The following ASXL1 variants were observed in gnomAD, a reference collection of about 807,000 sequenced individuals.
ASXL1 encodes the protein ASXL transcriptional regulator 1.
A neutral mutation model predicts 89.1 loss-of-function variants in ASXL1; 65 were observed. The ratio of observed to expected loss-of-function variants is 0.73; its 90% CI spans 0.60 to 0.90. The LOEUF is 0.90. ASXL1 is among the 40% of genes least tolerant of loss of function. ASXL1 has a pLI of 0.00. For missense variants in ASXL1, 1,786 were observed against 1,942.9 expected, an observed-to-expected ratio of 0.92 and a Z score of 1.52; for synonymous variants, 739 against 746.9, an observed-to-expected ratio of 0.99 and a Z score of 0.17.
At chr20:32,397,250 C>CCTTTTT (rs2048783623) in intron 4 of ASXL1, among the ~76,000 whole-genome samples, 1 of 6,980 alleles carries the variant, frequency 1.4e-4, no homozygotes, top group Non-Finnish European at 2.7e-4. Context: ...CCATGCCTGG[C>CCTTTTT]TTTTTTTTTT....
rs2011572040 is a variant in ASXL1 at position 32,433,000 on chromosome 20, G to A, written c.1085+15G>A. On this transcript the variant is annotated intron_variant, in intron 11 of 12. Transcript: ENST00000375687. Reference sequence around the variant, plus strand: ...TATGGACAGAAGTAAGGCAGTTGGAGCTATGAGTCCTGGTCTGGGGTTTTG... The same window carrying A: ...TATGGACAGAAGTAAGGCAGTTGGAACTATGAGTCCTGGTCTGGGGTTTTG... 6.2e-7 allele frequency: 1 copy of A among 1,613,264 alleles called. No homozygotes were observed. The highest frequency in any genetic ancestry group is 8.5e-7 in the Non-Finnish European group (1 of 1,179,930).
chr20:32,424,262 CGGT>C (rs2011211728), intron 4 of ASXL1, among the ~76,000 whole-genome samples: 1 of 152,112 alleles, frequency 6.6e-6, no homozygotes, highest in African/African-American at 2.4e-5. Context: ...AGGCTAGGTA[CGGT>C]GGCTCACACC....
chr20:32,362,380 T>G (rs1309546024), intron 1 of ASXL1, among the ~76,000 whole-genome samples: 1 of 152,206 alleles, frequency 6.6e-6, no homozygotes, highest in African/African-American at 2.4e-5. Context: ...CTCACGCCTG[T>G]AATCCCAGCA....
Position 32,429,807 on chromosome 20 carries a change from A to T in ASXL1, c.566-94A>T, listed in dbSNP as rs1201428688. On this transcript the variant is annotated intron_variant, in intron 7 of 12. Coordinates refer to ENST00000375687, the MANE Select transcript of ASXL1 (RefSeq NM_015338.6). This position sits in a 1 kb window ranked among gnomAD's most constrained non-coding sequence, Gnocchi z 4.9. ...ATGGAAGCATCCCAGTATTGCTGGC[A>T]GCATCTCAGGGAGAGCTGGGAGAAA... is the stretch of plus-strand genomic sequence containing the variant. 3.3e-6 allele frequency: 5 copies of T among 1,498,588 alleles called. No individual in the cohort carries two copies. In the Admixed American group the frequency reaches 9.4e-5, roughly 28 times the overall value. The allele number at this position is 1,498,588 out of a possible 1,614,324, so 92.8% of individuals were successfully genotyped here.
rs1043656056 is a variant in ASXL1, at chr20:32,437,500, G to A, written c.*162G>A. 14 of 1,156,808 alleles carry A rather than the reference G, an allele frequency of 1.2e-5. No homozygotes were observed. The African/African-American group carries it at 1.4e-4, about 11-fold the overall frequency. The allele number at this position is 1,156,808 out of a possible 1,614,324, so 71.7% of individuals were successfully genotyped here. On this transcript the variant is annotated 3_prime_UTR_variant, in exon 13 of 13. Transcript: ENST00000375687. ...CTGCTAAAGCCCTCTGTCACTTGGC[G>A]ACCCTTCTGGTCTTGCTGGAGGGGT...
At chr20:32,377,941 C>G (rs550136408) in intron 4 of ASXL1, among the ~76,000 whole-genome samples, 1 of 142,186 alleles carries the variant, frequency 7.0e-6, no homozygotes, top group Non-Finnish European at 1.5e-5. Context: ...GTGTGAACCA[C>G]CGCACCTGGC....
At chr20:32,432,481 A>C in intron 10 of ASXL1, 1 of 266,320 alleles carries the variant, frequency 3.8e-6, no homozygotes, top group Non-Finnish European at 7.3e-6. Flanking sequence ...TTGCATAAAC[A>C]ATTTAGGCAC....
chr20:32,384,237 T>G (rs1313205157), intron 4 of ASXL1, among the ~76,000 whole-genome samples: 1 of 144,832 alleles, frequency 6.9e-6, no homozygotes, highest in Non-Finnish European at 1.5e-5. Context: ...GACAGAGTCT[T>G]GCTGTGTTGC....
At chr20:32,402,253 G>GT (rs1460058313) in intron 4 of ASXL1, among the ~76,000 whole-genome samples, 2 of 152,138 alleles carry the variant, frequency 1.3e-5, no homozygotes, top group Non-Finnish European at 2.9e-5. Context: ...CAGAGATGGA[G>GT]TCTTGCTTTG....
At chr20:32,418,993 T>A (rs571804701) in intron 4 of ASXL1, among the ~76,000 whole-genome samples, 181 of 151,674 alleles carry the variant, frequency 1.2e-3, no homozygotes, top group Non-Finnish European at 2.1e-3. Context: ...CCACCATGTC[T>A]GGCTAATTAT....
rs1264766060 is a variant in ASXL1 at position 32,437,097 on chromosome 20, C to A, written c.4385C>A (p.Thr1462Asn). ...TTTAATTATTCCTCTAGCTCTCCCA[C>A]CTTTCCCAAAGGCCTTGCTGGAAGT... ...TSFNYSSSSP[T>N]FPKGLAGSVV... is the part of the protein sequence containing the mutation. The change falls in exon 13 of 13, where the codon ACC becomes AAC. Residue 1462 changes from threonine to asparagine, a missense_variant. This residue lies in a region of ASXL1 where 1,418 missense variants were observed against 1,427.8 expected (regional missense o/e 0.99). Coordinates refer to ENST00000375687, the MANE Select transcript of ASXL1 (RefSeq NM_015338.6). The A allele has an allele frequency of 6.2e-7, 1 of 1,614,120 alleles. No individual in the cohort carries two copies. The highest frequency in any genetic ancestry group is 2.2e-5 in the East Asian group (1 of 44,900).
chr20:32,388,957 G>A (rs952220060), intron 4 of ASXL1, among the ~76,000 whole-genome samples: 1 of 151,882 alleles, frequency 6.6e-6, no homozygotes, highest in Non-Finnish European at 1.5e-5. Context: ...TAAATTGCAC[G>A]CCCCCACATC....
At chr20:32,382,648 T>A (rs969021711) in intron 4 of ASXL1, among the ~76,000 whole-genome samples, 2 of 143,970 alleles carry the variant, frequency 1.4e-5, no homozygotes, top group Non-Finnish European at 3.0e-5. Flanking sequence ...TAGCCAGGCG[T>A]GGTGGCTCAT....
In ASXL1 at chr20:32,436,349, C is replaced by T; in HGVS notation, c.3637C>T (p.Leu1213Phe). The T allele has an allele frequency of 5.6e-6, 9 of 1,613,838 alleles. No homozygotes were observed. The highest frequency in any genetic ancestry group is 1.7e-5 in the Admixed American group (1 of 60,028). ...NCKAVPSFDS[L>F]HPVTNPITSS... is the part of the protein sequence containing the mutation. ...CAAGGCAGTCCCAAGTTTTGACTCC[C>T]TCCATCCAGTGACAAATCCCATTAC... The change falls in exon 13 of 13, where the codon CTC (leucine) becomes TTC (phenylalanine). Residue 1213 changes from leucine to phenylalanine, a missense_variant. Physicochemically the swap from Leu to Phe is conservative, Grantham distance 22 (BLOSUM62 0). Around this residue, in one of 3 missense-constraint regions of ASXL1, gnomAD observed 1,418 missense variants for 1,427.8 expected, o/e 0.99. Transcript: ENST00000375687.
rs745371501 is a variant in ASXL1, at chr20:32,434,652, C to T, written c.1940C>T (p.Pro647Leu). The T allele has an allele frequency of 8.1e-6, 13 of 1,604,714 alleles. No homozygotes were observed. Among genetic ancestry groups the T allele is most frequent in the Middle Eastern group, 1.7e-4 (1 of 6,044 alleles). Residue 647 changes from proline (P) to leucine (L), a missense_variant, in exon 13 of 13, where the codon CCG (proline) becomes CTG (leucine). Pro to Leu is a moderately conservative substitution (Grantham distance 98). Coordinates refer to ENST00000375687, the MANE Select transcript of ASXL1 (RefSeq NM_015338.6). ...ATTAIGGGGG[P>L]GGGGGGATDE... The stretch of plus-strand genomic sequence containing the variant: ...ACTGCCATCGGAGGGGGGGGTGGCC[C>T]GGGTGGAGGTGGCGGCGGGGCCACC...
intron 4 of ASXL1, among the ~76,000 whole-genome samples, chr20:32,386,789 C>CTTTTT (rs11445027): frequency 1.5e-5 from 2 of 129,648 alleles, no homozygotes; most frequent in African/African-American, 2.9e-5. Flanking sequence ...CTCTCTCTCT[C>CTTTTT]TTTTTTTTTT....
chr20:32,373,827 C>T (rs1426677589), intron 4 of ASXL1, among the ~76,000 whole-genome samples: 1 of 151,910 alleles, frequency 6.6e-6, no homozygotes, highest in Admixed American at 6.6e-5. Flanking sequence ...AAGATTGCAC[C>T]ACTGCACTCT....
At chr20:32,365,412 T>G (rs1373063934) in intron 1 of ASXL1, among the ~76,000 whole-genome samples, 1 of 152,170 alleles carries the variant, frequency 6.6e-6, no homozygotes, top group Non-Finnish European at 1.5e-5. Context: ...GCAGCAGACC[T>G]ATCAGACGAG....
intron 4 of ASXL1, among the ~76,000 whole-genome samples, chr20:32,422,404 A>G (rs1465697241): frequency 6.8e-6 from 1 of 147,818 alleles, no homozygotes; most frequent in Non-Finnish European, 1.5e-5. Flanking sequence ...ACGTAAGCAC[A>G]ATACAGTTAT....
Sources: gnomAD v4.1 joint callset for allele counts (sites outside exome capture counted in the v4.1 genomes callset) on GRCh38, gnomAD v4.1.1 for gene constraint, gnomAD v4.1.1 regional missense constraint, Gnocchi (gnomAD v3.1) non-coding constraint, MANE v1.5 for transcripts, NCBI Gene and HGNC (gene_info 2026-07-23, HGNC 2026-07-21) for gene names.